UTRN: variants seen among roughly 807,000 people sequenced by gnomAD.
The protein encoded by UTRN is utrophin.
In UTRN, 283 loss-of-function variants were observed where a neutral mutation model predicts 463.9. That is an observed-to-expected ratio of 0.61 (90% CI 0.55 to 0.67). UTRN has a LOEUF of 0.67. UTRN is among the 30% of genes least tolerant of loss of function. UTRN has a pLI of 0.00. For missense variants in UTRN, 3,922 were observed against 4,084.3 expected, an observed-to-expected ratio of 0.96 and a Z score of 1.08; for synonymous variants, 1,442 against 1,431.5, an observed-to-expected ratio of 1.01 and a Z score of -0.17.
At chr6:144,491,473 A>G (rs1441150891) in intron 32 of UTRN, among the ~76,000 whole-genome samples, 1 of 152,224 alleles carries the variant, frequency 6.6e-6, no homozygotes, top group Non-Finnish European at 1.5e-5. Flanking sequence ...TAGAATGGAT[A>G]TCGTAAAAAT....
At chr6:144,821,337 A>G (rs1199310500) in intron 66 of UTRN, among the ~76,000 whole-genome samples, 1 of 152,060 alleles carries the variant, frequency 6.6e-6, no homozygotes, top group Non-Finnish European at 1.5e-5. Flanking sequence ...GGCATTATAT[A>G]GTCTTTCATT....
intron 18 of UTRN, among the ~76,000 whole-genome samples, chr6:144,451,928 A>G (rs1225800726): frequency 1.3e-5 from 2 of 152,218 alleles, no homozygotes; most frequent in Non-Finnish European, 2.9e-5. Flanking sequence ...AATAAATACA[A>G]TTAAAAGGTG....
chr6:144,568,010 T>G (rs1800571729), intron 50 of UTRN, among the ~76,000 whole-genome samples: 1 of 152,200 alleles, frequency 6.6e-6, no homozygotes, highest in Non-Finnish European at 1.5e-5. Flanking sequence ...TTTATTGTGT[T>G]ACAAAATGAT....
Position 144,482,365 on chromosome 6 carries a change from C to A in UTRN, c.3664C>A (p.Arg1222=). 2.5e-6 allele frequency: 4 copies of A among 1,594,476 alleles called. No homozygotes were observed. The South Asian group carries it at 4.7e-5, about 19-fold the overall frequency. The change falls in exon 27 of 75, where the codon CGA becomes AGA. Residue 1222 remains arginine, a synonymous_variant. Coordinates refer to ENST00000367545, the MANE Select transcript of UTRN (RefSeq NM_007124.3). Reference sequence around the variant, plus strand: ...TTACCAACTTCTTTGTAATAGAATTCGAGGAAAGTGCCACACGCTAGAGGT... The same window carrying A: ...TTACCAACTTCTTTGTAATAGAATTAGAGGAAAGTGCCACACGCTAGAGGT... ...ENYQLLCNRI[R]GKCHTLEEVW... is the part of the protein sequence containing the mutation.
intron 3 of UTRN, among the ~76,000 whole-genome samples, chr6:144,419,543 A>G (rs1784647577): frequency 6.6e-6 from 1 of 152,314 alleles, no homozygotes; most frequent in Non-Finnish European, 1.5e-5. Context: ...TTGAAAAACT[A>G]CCTACTGGGT....
At chr6:144,403,527 A>T (rs2114797946) in intron 3 of UTRN, among the ~76,000 whole-genome samples, 1 of 152,218 alleles carries the variant, frequency 6.6e-6, no homozygotes, top group Non-Finnish European at 1.5e-5. Flanking sequence ...TGATGATTTC[A>T]TTTTGCCTGG....
intron 52 of UTRN, among the ~76,000 whole-genome samples, chr6:144,685,368 G>A (rs1374102682): frequency 6.6e-6 from 1 of 152,114 alleles, no homozygotes; most frequent in African/African-American, 2.4e-5. Context: ...TTGACATAAT[G>A]ACTTCTTTTC....
chr6:144,482,290 C>G lies in UTRN; in HGVS notation c.3589C>G (p.Pro1197Ala). 6.2e-7 allele frequency: 1 copy of G among 1,609,312 alleles called. No homozygotes were observed. Among genetic ancestry groups the G allele is most frequent in the Non-Finnish European group, 8.5e-7 (1 of 1,178,730 alleles). ...CATCAAGTTATTAGCTGCCAAGGTG[C>G]CCTCTGGTGGCCAGGAGTTGACGTC... is the stretch of plus-strand genomic sequence containing the variant. ...DNIKLLAAKV[P>A]SGGQELTSEL... is the part of the protein sequence containing the mutation. The change falls in exon 27 of 75, where the codon CCC becomes GCC. Residue 1197 changes from proline to alanine, a missense_variant. Pro to Ala is a conservative substitution (Grantham distance 27). Around this residue, in one of 3 missense-constraint regions of UTRN, gnomAD observed 2,349 missense variants for 2,303.8 expected, o/e 1.02. Coordinates refer to ENST00000367545, the MANE Select transcript of UTRN (RefSeq NM_007124.3).
chr6:144,494,720 A>G (rs1307372187), intron 33 of UTRN, among the ~76,000 whole-genome samples: 1 of 151,892 alleles, frequency 6.6e-6, no homozygotes, highest in African/African-American at 2.4e-5. Context: ...TGTGGACACA[A>G]AGGTTCTCCA....
At chr6:144,324,201 G>C (rs1204795611) in intron 2 of UTRN, among the ~76,000 whole-genome samples, 1 of 151,884 alleles carries the variant, frequency 6.6e-6, no homozygotes, top group East Asian at 1.9e-4. Context: ...ATTTATTTTG[G>C]CATACATTTT....
chr6:144,519,205 T>C (rs536444867), intron 39 of UTRN, among the ~76,000 whole-genome samples: 3 of 152,336 alleles, frequency 2.0e-5, no homozygotes, highest in South Asian at 2.1e-4. Flanking sequence ...ATCTTATTGA[T>C]ATTTATCTTC....
Position 144,381,690 on chromosome 6 carries a change from C to T in UTRN, c.80-21433C>T, listed in dbSNP as rs139262734. 3.3e-3 allele frequency among the ~76,000 whole-genome samples: 502 copies of T among 152,306 alleles called. 3 individuals are homozygous for T. The highest frequency in any genetic ancestry group is 0.014 in the Middle Eastern group (4 of 294). On this transcript the variant is annotated intron_variant, in intron 2 of 74. Transcript: ENST00000367545. ...ATAAAGAGGCGTTTCCCTGCACAAG[C>T]TCTCTCTTTGCCTGCTGCCATCCAT... is the stretch of plus-strand genomic sequence containing the variant.
At position 144,301,814 on chromosome 6, in the gene UTRN, G is replaced by C. The variant is rs9496922; in HGVS notation, c.79+9907G>C. Among the ~76,000 whole-genome samples the C allele has an allele frequency of 2.0e-3, 299 of 151,868 alleles. 1 individual carries two copies. Among genetic ancestry groups the C allele is most frequent in the Middle Eastern group, 0.01 (3 of 294 alleles). On this transcript the variant is annotated intron_variant, in intron 2 of 74. Transcript: ENST00000367545. ...CCTCCCAAAATACTGGATTACAGGC[G>C]TGAGACACTGCTCATGGCCACCATC...
chr6:144,443,318 G>C (rs1429972995), intron 13 of UTRN, among the ~76,000 whole-genome samples: 12 of 152,138 alleles, frequency 7.9e-5, no homozygotes, highest in Admixed American at 7.9e-4. Context: ...ATTATAACCT[G>C]AGAGCTAAGT....
intron 71 of UTRN, among the ~76,000 whole-genome samples, chr6:144,836,877 G>A (rs1403059355): frequency 2.6e-5 from 4 of 152,178 alleles, no homozygotes; most frequent in African/African-American, 7.2e-5. Flanking sequence ...AACAGCAAGA[G>A]ACCTGAAATC....
chr6:144,701,679 A>C (rs1784604072), intron 53 of UTRN, among the ~76,000 whole-genome samples: 1 of 152,176 alleles, frequency 6.6e-6, no homozygotes, highest in Non-Finnish European at 1.5e-5. Context: ...TTTTAAGGTG[A>C]CACTATGATT....
intron 51 of UTRN, among the ~76,000 whole-genome samples, chr6:144,622,191 T>TTTG (rs1554308640): frequency 7.3e-6 from 1 of 136,238 alleles, no homozygotes; most frequent in East Asian, 2.2e-4. Context: ...GTTGTTTTTT[T>TTTG]TTTTTTTTTT....
intron 19 of UTRN, among the ~76,000 whole-genome samples, chr6:144,456,719 G>T (rs1485363358): frequency 6.6e-6 from 1 of 150,652 alleles, no homozygotes; most frequent in African/African-American, 2.4e-5. Context: ...TGTTTCATTT[G>T]ACTTTCATAG....
At chr6:144,582,410 C>A (rs1802048997) in intron 51 of UTRN, among the ~76,000 whole-genome samples, 1 of 152,010 alleles carries the variant, frequency 6.6e-6, no homozygotes, top group Admixed American at 6.6e-5. Context: ...AGTACTTTAC[C>A]CCAGTTGATA....
Sources: allele counts gnomAD v4.1 joint callset (sites outside exome capture counted in the v4.1 genomes callset), GRCh38; gene constraint gnomAD v4.1.1; regional missense constraint gnomAD v4.1.1; transcripts MANE v1.5; gene names NCBI Gene and HGNC (gene_info 2026-07-23, HGNC 2026-07-21).